BCL2: variants seen among roughly 807,000 people sequenced by gnomAD.
The protein encoded by BCL2 is apoptosis regulator Bcl-2.
A neutral mutation model predicts 14.2 loss-of-function variants in BCL2; 1 was observed. That is an observed-to-expected ratio of 0.07 (90% CI 0.02 to 0.33). BCL2 has a LOEUF of 0.33. Among genes scored for constraint, BCL2 ranks in the 10% least tolerant of loss-of-function variants. BCL2 has a pLI of 0.99. For synonymous variants in BCL2, 151 were observed against 137.2 expected (o/e 1.10, Z -0.70); for missense variants, 247 against 305.9 (o/e 0.81, Z 1.44).
At position 63,129,810 on chromosome 18, in the gene BCL2, T is replaced by A. The variant is rs148708456; in HGVS notation, c.586-1051A>T. 3.9e-3 allele frequency among the ~76,000 whole-genome samples: 601 copies of A among 152,218 alleles called. 4 individuals carry two copies. Among genetic ancestry groups the A allele is most frequent in the African/African-American group, 0.014 (577 of 41,512 alleles). On this transcript the variant is annotated intron_variant, in intron 2 of 2. Coordinates refer to ENST00000333681, the MANE Select transcript of BCL2 (RefSeq NM_000633.3). ...GTCAGTGGAGGGGCCAAGGGCGGCC[T>A]TGACTGGTGCAGTGCCAACCTCTAA...
intron 2 of BCL2, among the ~76,000 whole-genome samples, chr18:63,241,616 T>C (rs757506960): frequency 3.9e-5 from 6 of 152,220 alleles, no homozygotes; most frequent in Admixed American, 6.5e-5. Context: ...TCTCTAATTT[T>C]ACTGCTAAAA....
chr18:63,256,586 G>C (rs930664998), intron 2 of BCL2, among the ~76,000 whole-genome samples: 1 of 152,212 alleles, frequency 6.6e-6, no homozygotes, highest in African/African-American at 2.4e-5. Context: ...AAAGGTGACA[G>C]ATCTGTATGT....
At chr18:63,281,336 T>C (rs984398231) in intron 2 of BCL2, among the ~76,000 whole-genome samples, 5 of 152,156 alleles carry the variant, frequency 3.3e-5, no homozygotes, top group African/African-American at 9.7e-5. Flanking sequence ...TTATGTTACA[T>C]ACATTTTACC....
chr18:63,176,598 C>CT lies in BCL2; in HGVS notation c.586-47840dup, dbSNP rs549500908. ...CAAGGGCAGTAATAGTCTTTTCTTT[C>CT]TTTTTTTTACAATTGATACATAGTA... On this transcript the variant is annotated intron_variant, in intron 2 of 2. Coordinates refer to ENST00000333681, the MANE Select transcript of BCL2 (RefSeq NM_000633.3). 2.5e-3 allele frequency among the ~76,000 whole-genome samples: 381 copies of CT among 152,080 alleles called. 1 individual carries two copies. The highest frequency in any genetic ancestry group is 4.5e-3 in the Non-Finnish European group (308 of 67,946).
intron 2 of BCL2, among the ~76,000 whole-genome samples, chr18:63,160,201 C>T (rs1373953532): frequency 6.6e-6 from 1 of 152,138 alleles, no homozygotes; most frequent in Non-Finnish European, 1.5e-5. Context: ...GGAAGAAAGC[C>T]TAATCATTAA....
In BCL2 at chr18:63,126,960, GA is replaced by G. The variant is rs530340306; in HGVS notation, c.*1664del. On this transcript the variant is annotated 3_prime_UTR_variant, in exon 3 of 3. Coordinates refer to ENST00000333681, the MANE Select transcript of BCL2 (RefSeq NM_000633.3). ...TTTCAAGGCTGATTCTAAACTGGAA[GA>G]AAAAAAAATTTCCTAGTTTATTTGC... is the stretch of plus-strand genomic sequence containing the variant. The G allele has an allele frequency of 2.2e-4, 48 of 223,040 alleles. No homozygotes were observed. Among genetic ancestry groups the G allele is most frequent in the African/African-American group, 7.4e-4 (33 of 44,618 alleles). 13.8% of individuals were successfully genotyped at this position (223,040 alleles called of 1,614,324 possible). A position where few individuals can be genotyped will look rare whatever the true frequency, so the allele number is the denominator to read the frequency against.
At chr18:63,269,696 C>A (rs1170161372) in intron 2 of BCL2, among the ~76,000 whole-genome samples, 1 of 152,114 alleles carries the variant, frequency 6.6e-6, no homozygotes, top group Non-Finnish European at 1.5e-5. Context: ...TAAAAGATAT[C>A]ATGTAATGTG....
At chr18:63,234,816 A>G (rs1450610331) in intron 2 of BCL2, among the ~76,000 whole-genome samples, 1 of 152,258 alleles carries the variant, frequency 6.6e-6, no homozygotes, top group African/African-American at 2.4e-5. Context: ...CAGAGATAGC[A>G]TCTAGCTCAC....
intron 2 of BCL2, among the ~76,000 whole-genome samples, chr18:63,195,630 A>G (rs929347840): frequency 6.6e-6 from 1 of 152,252 alleles, no homozygotes; most frequent in Non-Finnish European, 1.5e-5. Context: ...TGCTCTATGC[A>G]GCAGTATGTT....
At chr18:63,242,834 G>T (rs1285637613) in intron 2 of BCL2, among the ~76,000 whole-genome samples, 2 of 152,194 alleles carry the variant, frequency 1.3e-5, no homozygotes, top group South Asian at 4.1e-4. Context: ...TGGGTTTGGG[G>T]TAAGATGTAT....
At chr18:63,305,124 T>C (rs914774240) in intron 2 of BCL2, among the ~76,000 whole-genome samples, 4 of 152,220 alleles carry the variant, frequency 2.6e-5, no homozygotes, top group African/African-American at 9.7e-5. Flanking sequence ...TGGAAGCAGC[T>C]AGATCCCCCT....
At chr18:63,213,673 C>T (rs531720802) in intron 2 of BCL2, among the ~76,000 whole-genome samples, 98 of 152,140 alleles carry the variant, frequency 6.4e-4, no homozygotes, top group African/African-American at 2.1e-3. Context: ...TGACTTTTCC[C>T]GGCACTGAGA....
chr18:63,273,673 G>A (rs535260108), intron 2 of BCL2, among the ~76,000 whole-genome samples: 2 of 152,230 alleles, frequency 1.3e-5, no homozygotes, highest in Admixed American at 6.5e-5. Flanking sequence ...CGACTTTGAG[G>A]TTCCTCCCAG....
chr18:63,155,134 G>A (rs1001584893), intron 2 of BCL2, among the ~76,000 whole-genome samples: 1 of 152,242 alleles, frequency 6.6e-6, no homozygotes, highest in Non-Finnish European at 1.5e-5. Flanking sequence ...AGGCTGGGGT[G>A]AGAACGACAC....
At chr18:63,317,169 T>G (rs1913524663) in intron 2 of BCL2, 1 of 152,168 alleles carries the variant, frequency 6.6e-6, no homozygotes, top group Non-Finnish European at 1.5e-5. Context: ...TCACTTCAAC[T>G]AAAGTAAGGG....
Position 63,266,604 on chromosome 18 carries a change from A to ATCTC in BCL2, c.585+51474_585+51477dup, listed in dbSNP as rs36078664. ...AACCCGGAACCAATTTGGAACATAAATCTCTCTCTCTCTCTCTCTCTCTCT... is the reference window on the plus strand; with the variant it reads ...AACCCGGAACCAATTTGGAACATAAATCTCTCTCTCTCTCTCTCTCTCTCTCTCT... On this transcript the variant is annotated intron_variant, in intron 2 of 2. Transcript: ENST00000333681. Among the ~76,000 whole-genome samples, 856 of 141,538 alleles carry ATCTC rather than the reference A, an allele frequency of 6.0e-3. 7 individuals are homozygous for ATCTC. The highest frequency in any genetic ancestry group is 0.018 in the African/African-American group (673 of 37,222). The allele number at this position is 141,538 out of a possible 152,430, so 92.9% of individuals were successfully genotyped here. A position where few individuals can be genotyped will look rare whatever the true frequency, so the allele number is the denominator to read the frequency against.
chr18:63,318,510 G>T lies in BCL2; in HGVS notation c.157C>A (p.Pro53Thr). Residue 53 changes from proline (P) to threonine (T), a missense_variant, in exon 2 of 3, where the codon CCC (proline) becomes ACC (threonine). By Grantham distance (38) the Pro-to-Thr change is conservative (BLOSUM62 -1). Coordinates refer to ENST00000333681, the MANE Select transcript of BCL2 (RefSeq NM_000633.3). This position sits in a 1 kb window ranked among gnomAD's most constrained non-coding sequence, Gnocchi z 7.4. Reference sequence around the variant, plus strand: ...GCGGCTGGATGGGGCGTGTGCCCGGGCTGGGAGGAGAAGATGCCCGGTGCG... The same window carrying T: ...GCGGCTGGATGGGGCGTGTGCCCGGTCTGGGAGGAGAAGATGCCCGGTGCG... ...APAPGIFSSQ[P>T]GHTPHPAASR... 6.4e-7 allele frequency: 1 copy of T among 1,555,776 alleles called. No individual in the cohort carries two copies. The highest frequency in any genetic ancestry group is 8.6e-7 in the Non-Finnish European group (1 of 1,158,270).
intron 2 of BCL2, among the ~76,000 whole-genome samples, chr18:63,130,803 T>C (rs953023306): frequency 2.0e-5 from 3 of 152,222 alleles, no homozygotes; most frequent in Admixed American, 1.3e-4. Flanking sequence ...TGAAACAAAC[T>C]CCTAGAAGTG....
intron 2 of BCL2, among the ~76,000 whole-genome samples, chr18:63,195,286 C>T (rs1359104086): frequency 6.6e-6 from 1 of 152,240 alleles, no homozygotes; most frequent in Admixed American, 6.5e-5. Flanking sequence ...TCATCTCTAT[C>T]TCCTCACTTC....
Sources: allele counts gnomAD v4.1 joint callset (sites outside exome capture counted in the v4.1 genomes callset), GRCh38; gene constraint gnomAD v4.1.1; non-coding constraint Gnocchi (gnomAD v3.1); transcripts MANE v1.5; gene names NCBI Gene and HGNC (gene_info 2026-07-23, HGNC 2026-07-21).